The following TLN1 variants were observed in gnomAD, a reference collection of about 807,000 sequenced individuals.
TLN1 encodes talin-1.
Under a neutral mutation model 292.3 loss-of-function variants are expected in TLN1, and 56 were observed. That is an observed-to-expected ratio of 0.19 (90% CI 0.15 to 0.24). The LOEUF (loss-of-function observed/expected upper bound fraction) is 0.24. Among genes scored for constraint, TLN1 ranks in the 10% least tolerant of loss-of-function variants. TLN1 has a pLI of 1.00. For synonymous variants in TLN1, 1,119 were observed against 1,253.7 expected, an observed-to-expected ratio of 0.89 and a Z score of 2.27; for missense variants, 2,433 against 3,248.2, an observed-to-expected ratio of 0.75 and a Z score of 6.10.
chr9:35,704,960 G>T lies in TLN1; in HGVS notation c.5734-145C>A. ...GAGAGAAGGTTCCCAGCACAAGGAC[G>T]TTTCCGGTTGCATATCCTTTAGGCA... On this transcript the variant is annotated intron_variant, in intron 43 of 56. Coordinates refer to ENST00000314888, the MANE Select transcript of TLN1 (RefSeq NM_006289.4). The surrounding 1 kb of genome is among the most constrained non-coding windows in gnomAD (Gnocchi z 6.9). 1.0e-6 allele frequency: 1 copy of T among 1,001,672 alleles called. No homozygotes were observed. The highest frequency in any genetic ancestry group is 1.4e-6 in the Non-Finnish European group (1 of 696,444). 62.0% of individuals were successfully genotyped at this position (1,001,672 alleles called of 1,614,324 possible).
rs377341072 is a variant in TLN1, at chr9:35,699,330, C to T, written c.6874+26G>A. 73 of 1,595,492 alleles carry T rather than the reference C, an allele frequency of 4.6e-5. No homozygotes were observed. The highest frequency in any genetic ancestry group is 5.7e-5 in the Non-Finnish European group (67 of 1,170,326). The stretch of plus-strand genomic sequence containing the variant: ...CACACCATGATAAGGGTTTTCCATC[C>T]GTCCCTGTCCCTGGTCACCCCTCAC... On this transcript the variant is annotated intron_variant, in intron 51 of 56. Coordinates refer to ENST00000314888, the MANE Select transcript of TLN1 (RefSeq NM_006289.4). This position sits in a 1 kb window ranked among gnomAD's most constrained non-coding sequence, Gnocchi z 4.0.
In TLN1 at chr9:35,706,098, G is replaced by A. The variant is rs1369411932; in HGVS notation, c.5375C>T (p.Thr1792Ile). The change falls in exon 41 of 57, where the codon ACC becomes ATC. Residue 1792 changes from threonine to isoleucine, a missense_variant. By Grantham distance (89) the Thr-to-Ile change is moderately conservative (BLOSUM62 -1). This residue lies in a region of TLN1 where 1,384 missense variants were observed against 1,699.6 expected (regional missense o/e 0.81). Coordinates refer to ENST00000314888, the MANE Select transcript of TLN1 (RefSeq NM_006289.4). This position sits in a 1 kb window ranked among gnomAD's most constrained non-coding sequence, Gnocchi z 4.2. ...CACAGCCTCCTCCAGGGCTTCCTGGGTGTGAGCTGCTTGCTGTGGGGAGAG... is the reference window on the plus strand; with the variant it reads ...CACAGCCTCCTCCAGGGCTTCCTGGATGTGAGCTGCTTGCTGTGGGGAGAG... ...AGGNPKQAAH[T>I]QEALEEAVQM... 5.0e-6 allele frequency: 8 copies of A among 1,614,062 alleles called. No homozygotes were observed. The highest frequency in any genetic ancestry group is 1.3e-5 in the African/African-American group (1 of 74,932).
rs1478577234 is a variant in TLN1, at chr9:35,713,940, T to TA, written c.3249+12dup. 6.2e-7 allele frequency: 1 copy of TA among 1,614,018 alleles called. No individual in the cohort carries two copies. Among genetic ancestry groups the TA allele is most frequent in the South Asian group, 1.1e-5 (1 of 91,080 alleles). ...TAGGATTTGAGTAAGAATGAGGTCT[T>TA]AAACATACTTACTGTCTCCCCAGGT... On this transcript the variant is annotated intron_variant, in intron 25 of 56. Coordinates refer to ENST00000314888, the MANE Select transcript of TLN1 (RefSeq NM_006289.4).
chr9:35,712,209 C>CT, intron 27 of TLN1, 85 bp from the exon 28 acceptor site: 1 of 1,480,620 alleles, frequency 6.8e-7, no homozygotes, highest in Middle Eastern at 1.8e-4. Context: ...AGATGACTAG[C>CT]TCTACTGCCT....
chr9:35,718,952 CCCACATGCCTGT>C (rs1563945334), intron 16 of TLN1, 42 bp from the exon 17 acceptor site: 2 of 1,605,358 alleles, frequency 1.2e-6, no homozygotes, highest in South Asian at 2.2e-5. Context: ...CCAATCCCTG[CCCACATGCCTGT>C]GCATATCACA....
chr9:35,724,050 G>A lies in TLN1; in HGVS notation c.684C>T (p.His228=), dbSNP rs758729126. The change falls in exon 7 of 57, where the codon CAC becomes CAT. Residue 228 remains histidine, a synonymous_variant. Transcript: ENST00000314888. The surrounding 1 kb of genome is among the most constrained non-coding windows in gnomAD (Gnocchi z 4.7). The part of the protein sequence containing the change: ...QARDDILNGS[H]PVSFDKACEF... ...CACAGGCCTTGTCAAAGGAGACAGG[G>A]TGGGAGCCATTCAGGATGTCATCTC... The A allele has an allele frequency of 1.4e-5, 23 of 1,613,888 alleles. No homozygotes were observed. The African/African-American group carries it at 1.7e-4, about 12-fold the overall frequency.
intron 25 of TLN1, among the ~76,000 whole-genome samples, chr9:35,713,742 G>A (rs1825720798): frequency 6.7e-6 from 1 of 148,966 alleles, no homozygotes; most frequent in African/African-American, 2.5e-5. Context: ...AAAGAAAGAG[G>A]AGAGGAAAGG....
chr9:35,706,998 G>A lies in TLN1; in HGVS notation c.4955+74C>T. 1 of 1,607,794 alleles carries A rather than the reference G, an allele frequency of 6.2e-7. No homozygotes were observed. The highest frequency in any genetic ancestry group is 8.5e-7 in the Non-Finnish European group (1 of 1,177,992). Reference sequence around the variant, plus strand: ...CCTCCCAACACCATCCCATCTCATTGCACTCAAGTGCCCATCCTCCATTCT... The same window carrying A: ...CCTCCCAACACCATCCCATCTCATTACACTCAAGTGCCCATCCTCCATTCT... On this transcript the variant is annotated intron_variant, in intron 37 of 56. Transcript: ENST00000314888. The surrounding 1 kb of genome is among the most constrained non-coding windows in gnomAD (Gnocchi z 4.2).
chr9:35,731,978 C>G (rs1289798633), intron 1 of TLN1, 97 bp downstream of exon 1: 1 of 152,522 alleles, frequency 6.6e-6, no homozygotes, highest in African/African-American at 2.4e-5. Flanking sequence ...ACTAATAGGA[C>G]CCGAACCGGA....
intron 1 of TLN1, among the ~76,000 whole-genome samples, chr9:35,726,937 T>TCTC (rs1312793665): frequency 6.6e-6 from 1 of 152,204 alleles, no homozygotes; most frequent in Non-Finnish European, 1.5e-5. Flanking sequence ...TCCCATGCTT[T>TCTC]CTCCTCTTCA....
chr9:35,722,648 T>C (rs1825897752), intron 8 of TLN1, among the ~76,000 whole-genome samples: 1 of 152,174 alleles, frequency 6.6e-6, no homozygotes, highest in African/African-American at 2.4e-5. Flanking sequence ...ATTACAAGAA[T>C]ATTGAACTGA....
chr9:35,707,272 G>A lies in TLN1; in HGVS notation c.4774-19C>T, dbSNP rs766838550. On this transcript the variant is annotated intron_variant, in intron 36 of 56. Transcript: ENST00000314888. The surrounding 1 kb of genome is among the most constrained non-coding windows in gnomAD (Gnocchi z 5.6). ...CCCGACCCTGGGGAGAGGGGAGGCA[G>A]GAAGGTAAGTCTCAGGAGTCCCTGG... 2.1e-5 allele frequency: 34 copies of A among 1,603,524 alleles called. No individual in the cohort carries two copies. Among genetic ancestry groups the A allele is most frequent in the Non-Finnish European group, 2.6e-5 (31 of 1,172,622 alleles).
chr9:35,702,465 C>T (rs2131882243), intron 48 of TLN1, among the ~76,000 whole-genome samples: 1 of 152,138 alleles, frequency 6.6e-6, no homozygotes, highest in South Asian at 2.1e-4. Context: ...AGTATCTAGG[C>T]CAAGGGAAGA....
At position 35,719,258 on chromosome 9, in the gene TLN1, G is replaced by T; in HGVS notation, c.1712C>A (p.Thr571Asn). Residue 571 changes from threonine (T) to asparagine (N), a missense_variant, in exon 16 of 57, where the codon ACC (threonine) becomes AAC (asparagine). By Grantham distance (65) the Thr-to-Asn change is moderately conservative. Transcript: ENST00000314888. This position sits in a 1 kb window ranked among gnomAD's most constrained non-coding sequence, Gnocchi z 4.6. ...TGTGGTGACTGCACAGCCCACTGCGGTATAGTCTGTCTCAGCAGGGTCCCC... is the reference window on the plus strand; with the variant it reads ...TGTGGTGACTGCACAGCCCACTGCGTTATAGTCTGTCTCAGCAGGGTCCCC... Reference protein sequence around the residue: ...TAGDPAETDYTAVGCAVTTIS... With the variant: ...TAGDPAETDYNAVGCAVTTIS... 6.2e-7 allele frequency: 1 copy of T among 1,613,962 alleles called. No homozygotes were observed. The highest frequency in any genetic ancestry group is 8.5e-7 in the Non-Finnish European group (1 of 1,179,862).
At chr9:35,723,057 T>C (rs1825904320) in intron 7 of TLN1, 136 bp from the exon 8 acceptor site, 7 of 669,196 alleles carry the variant, frequency 1.0e-5, no homozygotes, top group Admixed American at 7.8e-5. Context: ...TCTGAGGGAA[T>C]AGAGTCTAGA....
intron 48 of TLN1, among the ~76,000 whole-genome samples, chr9:35,701,442 T>A (rs546052645): frequency 6.6e-6 from 1 of 152,306 alleles, no homozygotes; most frequent in South Asian, 2.1e-4. Context: ...GCCCAGCTAA[T>A]CTTTAAATTT....
intron 2 of TLN1, 51 bp downstream of exon 2, chr9:35,725,514 C>A (rs746454568): frequency 6.3e-7 from 1 of 1,596,902 alleles, no homozygotes; most frequent in Non-Finnish European, 8.6e-7. Context: ...AGCCTGGGAA[C>A]AAGAAGGGAC....
In TLN1 at chr9:35,711,987, C is replaced by T; in HGVS notation, c.3681+18G>A. On this transcript the variant is annotated intron_variant, in intron 28 of 56. Transcript: ENST00000314888. ...TTCTTTGACTCCTACGTTCCCCCACCCCCTACCGTCCTCCTACCGAGTCAC... is the reference window on the plus strand; with the variant it reads ...TTCTTTGACTCCTACGTTCCCCCACTCCCTACCGTCCTCCTACCGAGTCAC... 6.2e-7 allele frequency: 1 copy of T among 1,612,650 alleles called. No individual in the cohort carries two copies. Among genetic ancestry groups the T allele is most frequent in the Non-Finnish European group, 8.5e-7 (1 of 1,179,576 alleles).
chr9:35,699,020 A>T lies in TLN1; in HGVS notation c.6999+12T>A, dbSNP rs1825417891. 1.2e-6 allele frequency: 2 copies of T among 1,611,734 alleles called. No individual in the cohort carries two copies. Among genetic ancestry groups the T allele is most frequent in the South Asian group, 2.2e-5 (2 of 91,004 alleles). ...CATGGTGAGGGTGGAAGAGGAAGGG[A>T]GCAGGACTGACCTTGGGTTTGGCCC... On this transcript the variant is annotated intron_variant, in intron 52 of 56. Transcript: ENST00000314888. The surrounding 1 kb of genome is among the most constrained non-coding windows in gnomAD (Gnocchi z 4.0).
Sources: gnomAD v4.1 joint callset for allele counts (sites outside exome capture counted in the v4.1 genomes callset) on GRCh38, gnomAD v4.1.1 for gene constraint, gnomAD v4.1.1 regional missense constraint, Gnocchi (gnomAD v3.1) non-coding constraint, MANE v1.5 for transcripts, NCBI Gene and HGNC (gene_info 2026-07-23, HGNC 2026-07-21) for gene names.